ACSL3: variants seen among roughly 807,000 people sequenced by gnomAD.
ACSL3 encodes acyl-CoA synthetase long chain family member 3.
In ACSL3, 34 loss-of-function variants were observed where a neutral mutation model predicts 84.7. That is an observed-to-expected ratio of 0.40 (90% CI 0.31 to 0.53). ACSL3 has a LOEUF of 0.53. Ranked by LOEUF, ACSL3 falls within the 20% of genes least tolerant of loss-of-function variation. ACSL3 has a pLI of 0.48. For synonymous variants in ACSL3, 315 were observed against 299.4 expected (o/e 1.05, Z -0.54); for missense variants, 680 against 873.1 (o/e 0.78, Z 2.79).
chr2:222,927,137 T>G lies in ACSL3; in HGVS notation c.1413T>G (p.Val471=). Residue 471 remains valine, a synonymous_variant, in exon 12 of 17, where the codon GTT becomes GTG. Transcript: ENST00000357430. ...RFMNICFCCP[V]GQGYGLTESA... ...TGAACATCTGTTTCTGCTGTCCTGT[T>G]GGTCAGGGATACGGGCTCACTGAAT... The G allele has an allele frequency of 1.2e-6, 2 of 1,614,192 alleles. No homozygotes were observed. Among genetic ancestry groups the G allele is most frequent in the Non-Finnish European group, 1.7e-6 (2 of 1,180,010 alleles).
At chr2:222,923,461 A>C (rs1346900486) in intron 10 of ACSL3, among the ~76,000 whole-genome samples, 1 of 152,228 alleles carries the variant, frequency 6.6e-6, no homozygotes, top group African/African-American at 2.4e-5. Flanking sequence ...CTTGAAGCCT[A>C]TTGAGAGCTA....
intron 1 of ACSL3, among the ~76,000 whole-genome samples, chr2:222,865,574 G>T (rs1695115782): frequency 6.6e-6 from 1 of 152,168 alleles, no homozygotes; most frequent in Non-Finnish European, 1.5e-5. Context: ...AACAGAAGAA[G>T]GTATATGAGC....
chr2:222,893,967 A>C (rs900494704), intron 2 of ACSL3, among the ~76,000 whole-genome samples: 1 of 152,140 alleles, frequency 6.6e-6, no homozygotes, highest in Non-Finnish European at 1.5e-5. Context: ...TGTAGCTGGG[A>C]CTACAGTCAT....
intron 1 of ACSL3, among the ~76,000 whole-genome samples, chr2:222,886,351 G>T (rs1695721782): frequency 1.3e-5 from 2 of 152,142 alleles, no homozygotes; most frequent in Non-Finnish European, 2.9e-5. Context: ...TCCTGTGTTA[G>T]TTTGCTGAGA....
At chr2:222,891,476 A>C (rs1014063062) in intron 2 of ACSL3, among the ~76,000 whole-genome samples, 10 of 152,176 alleles carry the variant, frequency 6.6e-5, no homozygotes, top group African/African-American at 2.4e-4. Context: ...TAACTGAAAA[A>C]GATATATATT....
intron 1 of ACSL3, among the ~76,000 whole-genome samples, chr2:222,864,909 A>T (rs941917768): frequency 1.3e-5 from 2 of 152,302 alleles, no homozygotes; most frequent in East Asian, 3.9e-4. Context: ...AATTGTCAAG[A>T]ACTGTTAAAT....
intron 4 of ACSL3, among the ~76,000 whole-genome samples, chr2:222,911,397 C>T (rs4674723): frequency 3.9e-5 from 6 of 152,114 alleles, no homozygotes; most frequent in African/African-American, 1.4e-4. Flanking sequence ...TTTGAGAAAT[C>T]GGGTAGTTAT....
chr2:222,865,794 C>CTGTGTGTGTGTG (rs3219912), intron 1 of ACSL3, among the ~76,000 whole-genome samples: 2,179 of 150,090 alleles, frequency 0.015, 27 homozygotes, highest in Non-Finnish European at 0.02. Context: ...TTTGGATCCT[C>CTGTGTGTGTGTG]TGTGTGTGTG....
chr2:222,895,405 G>A (rs1383681074), intron 2 of ACSL3, among the ~76,000 whole-genome samples: 1 of 151,878 alleles, frequency 6.6e-6, no homozygotes, highest in African/African-American at 2.4e-5. Flanking sequence ...CTGCAGACAA[G>A]CTCTACTATT....
intron 1 of ACSL3, among the ~76,000 whole-genome samples, chr2:222,885,703 A>G (rs189188966): frequency 1.2e-3 from 181 of 152,298 alleles, no homozygotes; most frequent in African/African-American, 4.3e-3. Flanking sequence ...GCTAATAAGA[A>G]ACAGCAGGGA....
intron 1 of ACSL3, among the ~76,000 whole-genome samples, chr2:222,870,322 A>T (rs1255999575): frequency 6.6e-6 from 1 of 152,116 alleles, no homozygotes; most frequent in African/African-American, 2.4e-5. Context: ...CTGGAATTTA[A>T]TGGGGTGTTT....
At chr2:222,868,093 G>A (rs536733904) in intron 1 of ACSL3, among the ~76,000 whole-genome samples, 1 of 151,672 alleles carries the variant, frequency 6.6e-6, no homozygotes, top group African/African-American at 2.4e-5. Context: ...GATAATTCAC[G>A]TGTACCCTTT....
intron 16 of ACSL3, among the ~76,000 whole-genome samples, chr2:222,935,513 A>G (rs969520519): frequency 1.3e-5 from 2 of 152,134 alleles, no homozygotes; most frequent in Admixed American, 6.6e-5. Flanking sequence ...AGGCTCCAGC[A>G]TTTACTTTTT....
chr2:222,922,582 C>G (rs1236350564), intron 8 of ACSL3, 126 bp from the exon 9 acceptor site: 1 of 1,153,808 alleles, frequency 8.7e-7, no homozygotes, highest in Admixed American at 2.2e-5. Context: ...CAAACACATA[C>G]ACACTTGACC....
chr2:222,905,744 G>A (rs530548642), intron 3 of ACSL3, among the ~76,000 whole-genome samples: 1 of 152,302 alleles, frequency 6.6e-6, no homozygotes, highest in South Asian at 2.1e-4. Context: ...GGTGAACAGA[G>A]CCTGAGGCTC....
At chr2:222,910,145 A>G (rs545430825) in intron 4 of ACSL3, among the ~76,000 whole-genome samples, 10 of 152,356 alleles carry the variant, frequency 6.6e-5, no homozygotes, top group African/African-American at 2.2e-4. Context: ...TGAGAATTCA[A>G]TGAGGAAAAT....
At chr2:222,938,549 A>AT (rs908838291) in intron 16 of ACSL3, among the ~76,000 whole-genome samples, 3 of 151,998 alleles carry the variant, frequency 2.0e-5, no homozygotes, top group African/African-American at 7.3e-5. Context: ...GTGATGAGTC[A>AT]TTTTTCTCTT....
In ACSL3 at chr2:222,941,946, A is replaced by C. The variant is rs1042357434; in HGVS notation, c.*292A>C. ...GGGAAGCAGTGATTTTAAAACCTCA[A>C]GTTTTTAAACATGATTTATATGTTC... On this transcript the variant is annotated 3_prime_UTR_variant, in exon 17 of 17. Transcript: ENST00000357430. The C allele has an allele frequency of 1.1e-5, 3 of 285,650 alleles. No homozygotes were observed. The highest frequency in any genetic ancestry group is 4.3e-5 in the African/African-American group (2 of 46,646). The allele number at this position is 285,650 out of a possible 1,614,324, so 17.7% of individuals were successfully genotyped here.
chr2:222,918,149 G>C lies in ACSL3; in HGVS notation c.660G>C (p.Lys220Asn). Reference protein sequence around the residue: ...IITSKELLQTKLKDIVSLVPR... With the variant: ...IITSKELLQTNLKDIVSLVPR... ...CTAGTAAAGAACTCTTACAAACAAA[G>C]TTGAAGGTGAGGACTCTAGTTACTT... Residue 220 changes from lysine to asparagine, a missense_variant, in exon 6 of 17, where the codon AAG (lysine) becomes AAC (asparagine). Around this residue, in one of 2 missense-constraint regions of ACSL3, gnomAD observed 333 missense variants for 347.5 expected, o/e 0.96. Transcript: ENST00000357430. The C allele has an allele frequency of 3.1e-6, 5 of 1,604,116 alleles. No individual in the cohort carries two copies. The highest frequency in any genetic ancestry group is 3.4e-6 in the Non-Finnish European group (4 of 1,172,384).
Sources: gnomAD v4.1 joint callset for allele counts (sites outside exome capture counted in the v4.1 genomes callset) on GRCh38, gnomAD v4.1.1 for gene constraint, gnomAD v4.1.1 regional missense constraint, MANE v1.5 for transcripts, NCBI Gene and HGNC (gene_info 2026-07-23, HGNC 2026-07-21) for gene names.